Variants in LPIN1 observed in about 807,000 individuals in gnomAD.
LPIN1 encodes lipin 1.
A neutral mutation model predicts 107.5 loss-of-function variants in LPIN1; 71 were observed. The ratio of observed to expected loss-of-function variants is 0.66; its 90% CI spans 0.55 to 0.80. LPIN1 has a LOEUF of 0.80. Ranked by LOEUF, LPIN1 falls within the 30% of genes least tolerant of loss-of-function variation. The probability of loss-of-function intolerance (pLI) is 0.00; values close to 1 mark genes in which losing one functional copy is unlikely to be tolerated. For synonymous variants in LPIN1, 445 were observed against 452.6 expected, an observed-to-expected ratio of 0.98 and a Z score of 0.21; for missense variants, 1,043 against 1,160.6, an observed-to-expected ratio of 0.90 and a Z score of 1.47.
intron 9 of LPIN1, chr2:11,784,149 C>G (rs1024437394): frequency 1.1e-4 from 86 of 795,190 alleles, no homozygotes; most frequent in Non-Finnish European, 1.5e-4. Flanking sequence ...ACTGAAAATA[C>G]CAAAATTGGC....
At chr2:11,747,491 A>G (rs1667141212) in intron 1 of LPIN1, among the ~76,000 whole-genome samples, 1 of 152,216 alleles carries the variant, frequency 6.6e-6, no homozygotes, top group Non-Finnish European at 1.5e-5. Context: ...ACCAACTAAG[A>G]CAACTGGCAG....
chr2:11,758,814 T>G (rs1381863158), intron 1 of LPIN1, among the ~76,000 whole-genome samples: 2 of 152,266 alleles, frequency 1.3e-5, no homozygotes, highest in East Asian at 3.8e-4. Flanking sequence ...ACTGTAGTCT[T>G]GGCTCTGTCT....
chr2:11,759,298 TC>T (rs756199574), intron 1 of LPIN1, among the ~76,000 whole-genome samples: 6 of 152,068 alleles, frequency 3.9e-5, no homozygotes, highest in Non-Finnish European at 8.8e-5. Flanking sequence ...TGAACAAAGG[TC>T]TCTGGTTTTC....
At chr2:11,709,899 G>T (rs56820808) in intron 1 of LPIN1, among the ~76,000 whole-genome samples, 1 of 152,286 alleles carries the variant, frequency 6.6e-6, no homozygotes, top group Middle Eastern at 3.4e-3. Flanking sequence ...GAATTTGGAC[G>T]TAGGCTCCAG....
rs1332486461 is a variant in LPIN1, at chr2:11,697,525, C to T, written c.82-16231C>T. ...GTGCGTCGTGTCTTGGGAATTCATC[C>T]CTTCCTCCCTAGCACTTGGGTGCCC... On this transcript the variant is annotated intron_variant, in intron 1 of 21. Transcript: ENST00000449576. The surrounding 1 kb of genome is among the most constrained non-coding windows in gnomAD (Gnocchi z 4.6). Among the ~76,000 whole-genome samples the T allele has an allele frequency of 6.6e-6, 1 of 152,112 alleles. No homozygotes were observed. The highest frequency in any genetic ancestry group is 1.9e-4 in the East Asian group (1 of 5,182).
chr2:11,804,983 T>G (rs1416921992), intron 16 of LPIN1, 87 bp from the exon 17 acceptor site: 14 of 219,726 alleles, frequency 6.4e-5, no homozygotes, highest in East Asian at 1.2e-4. Context: ...CTTGTTTGTG[T>G]TTTTTTTTTT....
At position 11,765,388 on chromosome 2, in the gene LPIN1, G is replaced by A; in HGVS notation, c.-9-145G>A. The A allele has an allele frequency of 1.4e-6, 1 of 733,828 alleles. No individual in the cohort carries two copies. The highest frequency in any genetic ancestry group is 1.8e-5 in the South Asian group (1 of 54,582). 45.5% of individuals were successfully genotyped at this position (733,828 alleles called of 1,614,324 possible). ...TGATGGACCCTGATGGGCTATGGGGGTGGATAGAACACATTCCGGAAATGA... is the reference window on the plus strand; with the variant it reads ...TGATGGACCCTGATGGGCTATGGGGATGGATAGAACACATTCCGGAAATGA... On this transcript the variant is annotated intron_variant, in intron 1 of 20. Coordinates refer to ENST00000674199, the MANE Select transcript of LPIN1 (RefSeq NM_001349206.2). This position sits in a 1 kb window ranked among gnomAD's most constrained non-coding sequence, Gnocchi z 4.4.
At position 11,768,696 on chromosome 2, in the gene LPIN1, G is replaced by A. The variant is rs570724531; in HGVS notation, c.288+838G>A. Among the ~76,000 whole-genome samples, 5 of 152,270 alleles carry A rather than the reference G, an allele frequency of 3.3e-5. No individual in the cohort carries two copies. The South Asian group carries it at 1.0e-3, about 32-fold the overall frequency. On this transcript the variant is annotated intron_variant, in intron 3 of 20. Transcript: ENST00000674199. Reference sequence around the variant, plus strand: ...TCACGCCTGTAATCCCAGCACTTTGGGAGGTCGAGGTGGGCGGATCACGAG... The same window carrying A: ...TCACGCCTGTAATCCCAGCACTTTGAGAGGTCGAGGTGGGCGGATCACGAG...
At chr2:11,702,241 A>C (rs1160043641) in intron 1 of LPIN1, among the ~76,000 whole-genome samples, 1 of 152,210 alleles carries the variant, frequency 6.6e-6, no homozygotes, top group Admixed American at 6.5e-5. Context: ...GGAAAGGAAC[A>C]GGTGAGGCAG....
chr2:11,809,968 A>G (rs1484840709), intron 17 of LPIN1, among the ~76,000 whole-genome samples: 1 of 152,176 alleles, frequency 6.6e-6, no homozygotes, highest in Non-Finnish European at 1.5e-5. Flanking sequence ...AGATTAGGCT[A>G]GATGACCCCT....
In LPIN1 at chr2:11,771,294, C is replaced by T; in HGVS notation, c.289-78C>T. ...AGGTGCTTGGCCTCTGAAGTGAATCCTGGAGGCCTCTGGCAAGGCCCTGCT... is the reference window on the plus strand; with the variant it reads ...AGGTGCTTGGCCTCTGAAGTGAATCTTGGAGGCCTCTGGCAAGGCCCTGCT... On this transcript the variant is annotated intron_variant, in intron 3 of 20. Transcript: ENST00000674199. This position sits in a 1 kb window ranked among gnomAD's most constrained non-coding sequence, Gnocchi z 4.8. 7.0e-7 allele frequency: 1 copy of T among 1,438,570 alleles called. No homozygotes were observed. The highest frequency in any genetic ancestry group is 9.8e-7 in the Non-Finnish European group (1 of 1,023,660). The allele number at this position is 1,438,570 out of a possible 1,614,324, so 89.1% of individuals were successfully genotyped here. A position where few individuals can be genotyped will look rare whatever the true frequency, so the allele number is the denominator to read the frequency against.
At chr2:11,791,783 A>G (rs1675778585) in intron 12 of LPIN1, 131 bp from the exon 13 acceptor site, 1 of 1,503,998 alleles carries the variant, frequency 6.6e-7, no homozygotes, top group Non-Finnish European at 8.9e-7. Context: ...TAACGCACAA[A>G]TAGTATGTTG....
intron 14 of LPIN1, among the ~76,000 whole-genome samples, 159 bp downstream of exon 14, chr2:11,795,646 A>T (rs1676576859): frequency 6.6e-6 from 1 of 152,250 alleles, no homozygotes; most frequent in South Asian, 2.1e-4. Flanking sequence ...TGGTTCTCCC[A>T]TGAGCAAAAT....
At position 11,820,419 on chromosome 2, in the gene LPIN1, T is replaced by C; in HGVS notation, c.2526T>C (p.Tyr842=). The change falls in exon 20 of 21, where the codon TAT becomes TAC. Residue 842 remains tyrosine (Y), a synonymous_variant. Coordinates refer to ENST00000674199, the MANE Select transcript of LPIN1 (RefSeq NM_001349206.2). ...ACCTTTACCAAATATAGGATGTGTA[T>C]TCATACAAGCAAGTAGGAGTGTCTT... ...AAFGNRPADV[Y]SYKQVGVSLN... The C allele has an allele frequency of 6.2e-7, 1 of 1,602,598 alleles. No homozygotes were observed. The highest frequency in any genetic ancestry group is 8.6e-7 in the Non-Finnish European group (1 of 1,169,448).
chr2:11,733,335 T>C (rs1006351243), intron 1 of LPIN1, among the ~76,000 whole-genome samples: 1 of 152,206 alleles, frequency 6.6e-6, no homozygotes, highest in Admixed American at 6.5e-5. Context: ...GGCAGATGAA[T>C]CTGGTTTTAG....
chr2:11,719,606 T>G (rs1482866051), upstream of LPIN1, among the ~76,000 whole-genome samples: 2 of 152,236 alleles, frequency 1.3e-5, no homozygotes, highest in African/African-American at 4.8e-5. Flanking sequence ...TTCCTTGAAA[T>G]TTAATGAGTT....
chr2:11,683,557 A>C (rs1661837447), intron 1 of LPIN1, among the ~76,000 whole-genome samples: 1 of 152,168 alleles, frequency 6.6e-6, no homozygotes, highest in African/African-American at 2.4e-5. Flanking sequence ...GAAGAGAAAC[A>C]GGGAGGTCTG....
At position 11,783,754 on chromosome 2, in the gene LPIN1, T is replaced by G. The variant is rs1041691114; in HGVS notation, c.1265-75T>G. ...AAATCTGCACATAGTGTTTAAATGC[T>G]GTTTCTATAGATACAAGGCCATGAG... On this transcript the variant is annotated intron_variant, in intron 8 of 20. Coordinates refer to ENST00000674199, the MANE Select transcript of LPIN1 (RefSeq NM_001349206.2). 7.4e-6 allele frequency: 9 copies of G among 1,219,852 alleles called. No homozygotes were observed. In the East Asian group the frequency reaches 2.1e-4, roughly 28 times the overall value. 75.6% of individuals were successfully genotyped at this position (1,219,852 alleles called of 1,614,324 possible).
chr2:11,749,241 C>T (rs546571583), intron 1 of LPIN1, among the ~76,000 whole-genome samples: 1 of 152,132 alleles, frequency 6.6e-6, no homozygotes, highest in East Asian at 1.9e-4. Flanking sequence ...CTGAAATGTT[C>T]GCTTTCTGAG....
Sources: allele counts gnomAD v4.1 joint callset (sites outside exome capture counted in the v4.1 genomes callset), GRCh38; gene constraint gnomAD v4.1.1; non-coding constraint Gnocchi (gnomAD v3.1); transcripts MANE v1.5; gene names NCBI Gene and HGNC (gene_info 2026-07-23, HGNC 2026-07-21).